RARB: variants seen among roughly 807,000 people sequenced by gnomAD.
The protein encoded by RARB is retinoic acid receptor beta, also known as HBV-activated protein.
In RARB, 17 loss-of-function variants were observed where a neutral mutation model predicts 51.9. The ratio of observed to expected loss-of-function variants is 0.33; its 90% confidence interval spans 0.22 to 0.49. RARB has a LOEUF of 0.49. RARB is among the 20% of genes least tolerant of loss of function. The pLI is 0.99. For missense variants in RARB, 369 were observed against 550.8 expected, an observed-to-expected ratio of 0.67 and a Z score of 3.30; for synonymous variants, 215 against 195.4, an observed-to-expected ratio of 1.10 and a Z score of -0.84.
chr3:25,483,527 C>CTTTTTTTTT, intron 2 of RARB, among the ~76,000 whole-genome samples: 1 of 113,678 alleles, frequency 8.8e-6, no homozygotes, highest in Non-Finnish European at 1.9e-5. Context: ...CATATTTCTT[C>CTTTTTTTTT]TTTTTTTTTT....
At chr3:25,299,172 A>G (rs1338752120) in intron 5 of RARB, among the ~76,000 whole-genome samples, 1 of 152,152 alleles carries the variant, frequency 6.6e-6, no homozygotes, top group East Asian at 1.9e-4. Context: ...TTACTGGAGA[A>G]TGGTGGTTGA....
chr3:25,220,823 G>A (rs772282427), intron 5 of RARB, among the ~76,000 whole-genome samples: 1 of 152,086 alleles, frequency 6.6e-6, no homozygotes. Context: ...CACTAAGTCA[G>A]CCACTTACTT....
chr3:24,910,448 T>C (rs1293148285), intron 2 of RARB, among the ~76,000 whole-genome samples: 3 of 151,826 alleles, frequency 2.0e-5, no homozygotes, highest in Non-Finnish European at 2.9e-5. Context: ...TTGATAAATA[T>C]AGAGTAAATA....
chr3:25,528,897 G>T (rs976989045), intron 3 of RARB, among the ~76,000 whole-genome samples: 3 of 152,004 alleles, frequency 2.0e-5, no homozygotes, highest in African/African-American at 7.2e-5. Context: ...ATCTTTGCAA[G>T]TTAGCATTGA....
intron 5 of RARB, among the ~76,000 whole-genome samples, chr3:25,312,096 G>C (rs367692659): frequency 6.6e-6 from 1 of 152,188 alleles, no homozygotes; most frequent in East Asian, 1.9e-4. Flanking sequence ...AGTGGTTAAT[G>C]AACTTATTGA....
At chr3:25,379,601 G>A (rs780626343) in intron 5 of RARB, among the ~76,000 whole-genome samples, 2 of 152,202 alleles carry the variant, frequency 1.3e-5, no homozygotes, top group African/African-American at 4.8e-5. Flanking sequence ...AGAGTTGTCA[G>A]CAAGTACACT....
chr3:25,299,148 C>T (rs1338954267), intron 5 of RARB, among the ~76,000 whole-genome samples: 6 of 152,068 alleles, frequency 3.9e-5, no homozygotes, highest in Admixed American at 1.3e-4. Context: ...AAATAAGTAA[C>T]GTTTAGTGAG....
chr3:25,339,477 C>T (rs569595000), intron 5 of RARB, among the ~76,000 whole-genome samples: 2 of 152,220 alleles, frequency 1.3e-5, no homozygotes, highest in South Asian at 2.1e-4. Context: ...TCTTCCACCA[C>T]GTGGCTGCGC....
chr3:25,007,832 G>C (rs1318012257), intron 2 of RARB, among the ~76,000 whole-genome samples: 1 of 151,876 alleles, frequency 6.6e-6, no homozygotes, highest in Non-Finnish European at 1.5e-5. Context: ...TTACATCTCT[G>C]TGGTGGAGAG....
intron 2 of RARB, among the ~76,000 whole-genome samples, chr3:24,954,673 G>A (rs968914686): frequency 6.6e-6 from 1 of 152,056 alleles, no homozygotes; most frequent in African/African-American, 2.4e-5. Flanking sequence ...GAGAGAAGGG[G>A]GTGGAGTCAT....
chr3:25,143,096 C>T (rs1005235179), intron 4 of RARB, among the ~76,000 whole-genome samples: 2 of 152,080 alleles, frequency 1.3e-5, no homozygotes, highest in Non-Finnish European at 2.9e-5. Flanking sequence ...CCAGTGATAC[C>T]AGGTAAATCA....
chr3:25,529,624 C>G (rs988969456), intron 3 of RARB, among the ~76,000 whole-genome samples: 1 of 152,094 alleles, frequency 6.6e-6, no homozygotes, highest in Admixed American at 6.5e-5. Context: ...ACATGATATG[C>G]TTTGTCTTAA....
intron 3 of RARB, among the ~76,000 whole-genome samples, chr3:25,117,704 T>A (rs138558567): frequency 2.5e-3 from 379 of 152,230 alleles, no homozygotes; most frequent in African/African-American, 8.6e-3. Flanking sequence ...CAGAATCAAC[T>A]GTTGGGCTCA....
intron 5 of RARB, among the ~76,000 whole-genome samples, chr3:25,227,523 G>A (rs959025343): frequency 6.6e-6 from 1 of 151,828 alleles, no homozygotes; most frequent in Non-Finnish European, 1.5e-5. Context: ...TCTCTATATT[G>A]GTACATAAAA....
chr3:25,187,032 G>A (rs915095399), intron 5 of RARB, among the ~76,000 whole-genome samples: 7 of 151,758 alleles, frequency 4.6e-5, no homozygotes, highest in Non-Finnish European at 7.4e-5. Context: ...CCTGAGGGGT[G>A]CTTCTCAAAA....
chr3:25,507,050 T>C (rs975704797), intron 3 of RARB, among the ~76,000 whole-genome samples: 15 of 152,352 alleles, frequency 9.8e-5, no homozygotes, highest in African/African-American at 3.6e-4. Context: ...TATTCATTCT[T>C]CCCTCCCCAA....
At chr3:24,875,382 T>A (rs1252915499) in intron 2 of RARB, among the ~76,000 whole-genome samples, 2 of 152,152 alleles carry the variant, frequency 1.3e-5, no homozygotes, top group East Asian at 3.8e-4. Flanking sequence ...CCGGACTCAT[T>A]TTTTAGGATT....
At chr3:25,496,925 C>T (rs1013626601) in intron 2 of RARB, among the ~76,000 whole-genome samples, 2 of 152,192 alleles carry the variant, frequency 1.3e-5, no homozygotes, top group Non-Finnish European at 2.9e-5. Context: ...ACTCTTGTTA[C>T]CCAAGCTGGA....
intron 2 of RARB, among the ~76,000 whole-genome samples, chr3:25,006,076 T>A (rs779616576): frequency 6.6e-6 from 1 of 152,074 alleles, no homozygotes; most frequent in Non-Finnish European, 1.5e-5. Flanking sequence ...AGCCAAAGGG[T>A]TCACTCTTCA....
Sources: allele counts gnomAD v4.1 joint callset (sites outside exome capture counted in the v4.1 genomes callset), GRCh38; gene constraint gnomAD v4.1.1; transcripts MANE v1.5; gene names NCBI Gene and HGNC (gene_info 2026-07-23, HGNC 2026-07-21).